The following CHL1 variants were observed in gnomAD, a reference collection of about 807,000 sequenced individuals.
CHL1 encodes the protein cell adhesion molecule L1 like.
CHL1 carries 96 observed loss-of-function variants against 141.9 expected under a neutral mutation model. The observed-to-expected ratio is 0.68, with a 90% CI of 0.57 to 0.80. The LOEUF is 0.80. Ranked by LOEUF, CHL1 falls within the 30% of genes least tolerant of loss-of-function variation. The pLI, the probability that CHL1 is intolerant of heterozygous loss-of-function variation, is 0.00. For missense variants in CHL1, 1,820 were observed against 1,457.2 expected (o/e 1.25, Z -4.05); for synonymous variants, 613 against 502.2 (o/e 1.22, Z -2.95).
intron 3 of CHL1, among the ~76,000 whole-genome samples, chr3:323,605 C>A (rs1397422000): frequency 6.6e-6 from 1 of 152,098 alleles, no homozygotes; most frequent in Non-Finnish European, 1.5e-5. Flanking sequence ...AATTTCCCAT[C>A]ATTTTTTAAC....
At chr3:286,725 A>G (rs775047077) in intron 2 of CHL1, among the ~76,000 whole-genome samples, 2 of 152,156 alleles carry the variant, frequency 1.3e-5, no homozygotes, top group African/African-American at 2.4e-5. Flanking sequence ...TTACTTATTG[A>G]TTAATGCTAA....
chr3:224,328 T>C (rs1455310239), intron 1 of CHL1, among the ~76,000 whole-genome samples: 2 of 152,208 alleles, frequency 1.3e-5, no homozygotes, highest in Non-Finnish European at 2.9e-5. Context: ...GAGTCAGCTA[T>C]GTCAGATTTC....
chr3:307,734 C>G (rs972072664), intron 2 of CHL1, among the ~76,000 whole-genome samples: 1 of 151,970 alleles, frequency 6.6e-6, no homozygotes, highest in Non-Finnish European at 1.5e-5. Context: ...ACTTAACATA[C>G]TTTACGAAAT....
intron 1 of CHL1, among the ~76,000 whole-genome samples, chr3:212,670 C>T (rs1431205295): frequency 6.6e-6 from 1 of 152,190 alleles, no homozygotes; most frequent in Non-Finnish European, 1.5e-5. Flanking sequence ...ATTTCGTTTC[C>T]ACTTTCAGCT....
rs77473791 is a variant in CHL1, at chr3:245,979, T to C, written c.-95+1287T>C. On this transcript the variant is annotated intron_variant, in intron 2 of 27. Transcript: ENST00000256509. ...TAACCACAGGGCATCTGAAAGTCTC[T>C]TGTAACATTAAAAATGGTTTGAAGT... Among the ~76,000 whole-genome samples, 327 of 152,256 alleles carry C rather than the reference T, an allele frequency of 2.1e-3. 7 individuals carry two copies. The East Asian group carries it at 0.05, about 23-fold the overall frequency.
At chr3:349,730 T>C (rs555021717) in intron 10 of CHL1, among the ~76,000 whole-genome samples, 187 bp downstream of exon 10, 1 of 152,294 alleles carries the variant, frequency 6.6e-6, no homozygotes, top group African/African-American at 2.4e-5. Flanking sequence ...CAAAATGACA[T>C]AGAAGGGACA....
intron 15 of CHL1, among the ~76,000 whole-genome samples, chr3:372,936 T>G (rs1705830262): frequency 6.6e-6 from 1 of 152,112 alleles, no homozygotes; most frequent in Non-Finnish European, 1.5e-5. Context: ...CCTGGAGATG[T>G]CACTCAAGGA....
At chr3:370,537 C>CAA (rs142286746) in intron 15 of CHL1, among the ~76,000 whole-genome samples, 6,875 of 144,700 alleles carry the variant, frequency 0.048, 241 homozygotes, top group Non-Finnish European at 0.068. Flanking sequence ...TTAATTTTTT[C>CAA]AAAAAAAAAA....
intron 2 of CHL1, among the ~76,000 whole-genome samples, chr3:293,023 G>A (rs1697843033): frequency 1.3e-5 from 2 of 152,190 alleles, no homozygotes; most frequent in African/African-American, 4.8e-5. Context: ...CAACACATGG[G>A]TTTACCCAGT....
intron 1 of CHL1, among the ~76,000 whole-genome samples, chr3:200,111 C>T (rs931816711): frequency 1.3e-5 from 2 of 152,164 alleles, no homozygotes; most frequent in Non-Finnish European, 2.9e-5. Context: ...TATTGTTTCC[C>T]AGGAGCTTTG....
At chr3:243,691 G>C (rs1485574893) in intron 1 of CHL1, among the ~76,000 whole-genome samples, 2 of 152,158 alleles carry the variant, frequency 1.3e-5, no homozygotes, top group African/African-American at 4.8e-5. Flanking sequence ...ATAATACACA[G>C]AGTGGAAATG....
intron 1 of CHL1, among the ~76,000 whole-genome samples, chr3:201,059 T>C (rs1311690901): frequency 6.6e-6 from 1 of 152,236 alleles, no homozygotes; most frequent in Non-Finnish European, 1.5e-5. Flanking sequence ...ATAAAAGTGT[T>C]ATTGTGTTAC....
chr3:368,643 C>G (rs1305860004), intron 15 of CHL1, among the ~76,000 whole-genome samples: 1 of 152,024 alleles, frequency 6.6e-6, no homozygotes, highest in Non-Finnish European at 1.5e-5. Flanking sequence ...TTGCTTTTGC[C>G]ATTTTCATCA....
chr3:312,163 T>C (rs1007451507), intron 2 of CHL1, among the ~76,000 whole-genome samples: 2 of 152,186 alleles, frequency 1.3e-5, no homozygotes, highest in African/African-American at 4.8e-5. Context: ...ATTAATGATA[T>C]TAGTTTATCC....
At chr3:314,667 G>A (rs1297691683) in intron 2 of CHL1, among the ~76,000 whole-genome samples, 1 of 151,738 alleles carries the variant, frequency 6.6e-6, no homozygotes, top group East Asian at 1.9e-4. Context: ...AGGATGATGG[G>A]GATGATGGGC....
chr3:348,810 C>T (rs1402957084), intron 9 of CHL1, among the ~76,000 whole-genome samples: 3 of 152,182 alleles, frequency 2.0e-5, no homozygotes, highest in African/African-American at 4.8e-5. Flanking sequence ...CCAGCTTGCC[C>T]TGGAATAGGC....
At chr3:343,499 C>A (rs1234729008) in intron 8 of CHL1, among the ~76,000 whole-genome samples, 1 of 152,152 alleles carries the variant, frequency 6.6e-6, no homozygotes, top group African/African-American at 2.4e-5. Flanking sequence ...CAGTTTGTAG[C>A]ATTTTTCAAG....
intron 23 of CHL1, among the ~76,000 whole-genome samples, chr3:392,285 C>T (rs748627828): frequency 3.9e-5 from 6 of 152,222 alleles, no homozygotes; most frequent in Non-Finnish European, 7.3e-5. Context: ...GTACCTTCCA[C>T]GCTACCTCTT....
intron 1 of CHL1, among the ~76,000 whole-genome samples, chr3:233,825 A>C (rs1691653461): frequency 2.0e-5 from 3 of 152,064 alleles, no homozygotes; most frequent in South Asian, 4.1e-4. Context: ...ATTATTGGGC[A>C]CTTAGGTTGT....
Sources: gnomAD v4.1 joint callset for allele counts (sites outside exome capture counted in the v4.1 genomes callset) on GRCh38, gnomAD v4.1.1 for gene constraint, MANE v1.5 for transcripts, NCBI Gene and HGNC (gene_info 2026-07-23, HGNC 2026-07-21) for gene names.